The following CFAP70 variants were observed in gnomAD, a reference collection of about 807,000 sequenced individuals.
The protein encoded by CFAP70 is cilia and flagella associated protein 70.
A neutral mutation model predicts 137.6 loss-of-function variants in CFAP70; 81 were observed. That is an observed-to-expected ratio of 0.59 (90% CI 0.49 to 0.71). The LOEUF (loss-of-function observed/expected upper bound fraction) is 0.71, where lower values mean the gene tolerates loss of function less well. Ranked by LOEUF, CFAP70 falls within the 30% of genes least tolerant of loss-of-function variation. The pLI is 0.00. For missense variants in CFAP70, 976 were observed against 1,226.7 expected, an observed-to-expected ratio of 0.80 and a Z score of 3.05; for synonymous variants, 382 against 423.6, an observed-to-expected ratio of 0.90 and a Z score of 1.20.
At chr10:73,347,457 T>C (rs1229386813) in intron 4 of CFAP70, among the ~76,000 whole-genome samples, 2 of 152,010 alleles carry the variant, frequency 1.3e-5, no homozygotes, top group East Asian at 1.9e-4. Flanking sequence ...ACTTAGAAGA[T>C]AGAAAAGGTG....
In CFAP70 at chr10:73,275,004, G is replaced by A. The variant is rs764934308; in HGVS notation, c.2674-410C>T. 6.0e-6 allele frequency: 1 copy of A among 167,630 alleles called. No individual in the cohort carries two copies. The highest frequency in any genetic ancestry group is 1.3e-5 in the Non-Finnish European group (1 of 79,004). The allele number at this position is 167,630 out of a possible 1,614,324, so 10.4% of individuals were successfully genotyped here. On this transcript the variant is annotated intron_variant, in intron 22 of 26. Transcript: ENST00000310715. This position sits in a 1 kb window ranked among gnomAD's most constrained non-coding sequence, Gnocchi z 4.0. ...TATTATTATTATTTTTTGAGATGGA[G>A]TCTTGCACTGTCGCCCAGGCTGGAG... is the stretch of plus-strand genomic sequence containing the variant.
chr10:73,297,711 A>C (rs191173685), intron 14 of CFAP70, among the ~76,000 whole-genome samples: 39 of 152,364 alleles, frequency 2.6e-4, no homozygotes, highest in African/African-American at 9.1e-4. Flanking sequence ...CTGTACAAAT[A>C]TAAACACAGC....
At chr10:73,274,536 T>C in exon 23 of CFAP70, 1 of 1,614,154 alleles carries the variant, frequency 6.2e-7, no homozygotes, top group Non-Finnish European at 8.5e-7. Context: ...TGCCTTGGCC[T>C]CAGAATGATT....
At position 73,275,557 on chromosome 10, in the gene CFAP70, T is replaced by C. The variant is rs1338748909; in HGVS notation, c.2562A>G (p.Gln854=). Residue 854 remains glutamine (Q), a synonymous_variant, in exon 22 of 27, where the codon CAA becomes CAG. Coordinates refer to ENST00000310715, the Ensembl canonical transcript of CFAP70. The surrounding 1 kb of genome is among the most constrained non-coding windows in gnomAD (Gnocchi z 4.0). ...AGTAATATTCACAGCTGGGGCCTCCTTGAGGGCATAACAGCTCATGTGCAA... is the reference window on the plus strand; with the variant it reads ...AGTAATATTCACAGCTGGGGCCTCCCTGAGGGCATAACAGCTCATGTGCAA... The C allele has an allele frequency of 3.1e-6, 5 of 1,611,266 alleles. No homozygotes were observed. The highest frequency in any genetic ancestry group is 4.2e-6 in the Non-Finnish European group (5 of 1,178,930).
exon 27 of CFAP70, chr10:73,254,020 G>C: frequency 6.2e-7 from 1 of 1,603,600 alleles, no homozygotes; most frequent in Non-Finnish European, 8.5e-7. Flanking sequence ...GTAGTGTGTG[G>C]ATCTCTGCAA....
intron 12 of CFAP70, among the ~76,000 whole-genome samples, chr10:73,309,392 T>C (rs954915095): frequency 1.3e-5 from 2 of 152,174 alleles, no homozygotes; most frequent in African/African-American, 2.4e-5. Context: ...TATAGGGGGC[T>C]TTAAAATAAC....
At chr10:73,255,077 A>AC (rs1369939823) in intron 26 of CFAP70, among the ~76,000 whole-genome samples, 1 of 152,142 alleles carries the variant, frequency 6.6e-6, no homozygotes, top group Non-Finnish European at 1.5e-5. Context: ...AGCCTGGCCA[A>AC]CATAGCAAAA....
chr10:73,332,703 A>T (rs1451663499), intron 7 of CFAP70, among the ~76,000 whole-genome samples: 2 of 152,198 alleles, frequency 1.3e-5, no homozygotes, highest in Non-Finnish European at 2.9e-5. Context: ...TCCAAAGACA[A>T]CAGGGGAGGT....
At chr10:73,335,556 T>A in intron 6 of CFAP70, 32 bp from the exon 8 acceptor site, 1 of 1,521,812 alleles carries the variant, frequency 6.6e-7, no homozygotes. Flanking sequence ...GTTCTCGGTA[T>A]GTGTGCCATG....
At chr10:73,270,048 C>T (rs533909222) in intron 24 of CFAP70, among the ~76,000 whole-genome samples, 1 of 152,322 alleles carries the variant, frequency 6.6e-6, no homozygotes, top group Middle Eastern at 3.4e-3. Context: ...CACAGGAACT[C>T]ACTCTCATGT....
chr10:73,275,272 C>A lies in CFAP70; in HGVS notation c.2673+174G>T. 2 of 582,136 alleles carry A rather than the reference C, an allele frequency of 3.4e-6. No homozygotes were observed. The highest frequency in any genetic ancestry group is 5.2e-6 in the Non-Finnish European group (2 of 384,342). The allele number at this position is 582,136 out of a possible 1,614,324, so 36.1% of individuals were successfully genotyped here. On this transcript the variant is annotated intron_variant, in intron 22 of 26. Transcript: ENST00000310715. The surrounding 1 kb of genome is among the most constrained non-coding windows in gnomAD (Gnocchi z 4.0). ...GCGATTACAGTTGTGAGCCACCGCGCCCAGCCAACTCATGATTACTTAAGA... is the reference window on the plus strand; with the variant it reads ...GCGATTACAGTTGTGAGCCACCGCGACCAGCCAACTCATGATTACTTAAGA...
At chr10:73,321,374 C>T (rs184298151) in intron 9 of CFAP70, among the ~76,000 whole-genome samples, 310 of 152,222 alleles carry the variant, frequency 2.0e-3, no homozygotes, top group Middle Eastern at 6.8e-3. Flanking sequence ...GCCGAGATCA[C>T]GCCATTGCAC....
intron 12 of CFAP70, 23 bp from the exon 14 acceptor site, chr10:73,299,688 TA>T (rs756746872): frequency 1.3e-6 from 2 of 1,583,232 alleles, no homozygotes; most frequent in East Asian, 2.3e-5. Flanking sequence ...AGAAAAAAAA[TA>T]AAAAAACAAA....
At chr10:73,295,387 G>C (rs2048474274) in intron 15 of CFAP70, 1 of 144,306 alleles carries the variant, frequency 6.9e-6, no homozygotes, top group Non-Finnish European at 1.5e-5. Context: ...GAGGAAGGGA[G>C]GAAGGGAGGG....
At chr10:73,257,479 C>A (rs546960469) in intron 25 of CFAP70, among the ~76,000 whole-genome samples, 103 of 152,254 alleles carry the variant, frequency 6.8e-4, no homozygotes, top group Admixed American at 2.7e-3. Context: ...TTAGAGTATG[C>A]AAAGTCACTT....
At chr10:73,264,412 A>G (rs542404689) in intron 25 of CFAP70, among the ~76,000 whole-genome samples, 1 of 152,330 alleles carries the variant, frequency 6.6e-6, no homozygotes, top group South Asian at 2.1e-4. Flanking sequence ...CTATATACCT[A>G]TTTATACCTG....
At chr10:73,348,324 CA>C (rs2053902758) in intron 4 of CFAP70, 89 bp from the exon 5 acceptor site, 1 of 1,530,676 alleles carries the variant, frequency 6.5e-7, no homozygotes, top group African/African-American at 1.4e-5. Flanking sequence ...CTTTTCCCCT[CA>C]AATCCCTCAA....
chr10:73,345,261 T>A lies in CFAP70; in HGVS notation c.350-147A>T. On this transcript the variant is annotated intron_variant, in intron 4 of 26. Transcript: ENST00000310715. Reference sequence around the variant, plus strand: ...ACTGCACTGCTGTAAAAGAATAAAATTATGCAGCATTTTGAAAATTGCCAG... The same window carrying A: ...ACTGCACTGCTGTAAAAGAATAAAAATATGCAGCATTTTGAAAATTGCCAG... The A allele has an allele frequency of 6.2e-7, 1 of 1,602,068 alleles. No homozygotes were observed. Among genetic ancestry groups the A allele is most frequent in the Non-Finnish European group, 8.5e-7 (1 of 1,172,206 alleles).
intron 12 of CFAP70, 146 bp downstream of exon 13, chr10:73,310,012 T>TAAC (rs779966318): frequency 2.3e-5 from 12 of 519,480 alleles, no homozygotes; most frequent in African/African-American, 9.9e-5. Context: ...GTAACAAAAA[T>TAAC]AACAACAACA....
Sources: allele counts gnomAD v4.1 joint callset (sites outside exome capture counted in the v4.1 genomes callset), GRCh38; gene constraint gnomAD v4.1.1; non-coding constraint Gnocchi (gnomAD v3.1); transcripts MANE v1.5; gene names NCBI Gene and HGNC (gene_info 2026-07-23, HGNC 2026-07-21).